The following MYCBP2 variants were observed in gnomAD, a reference collection of about 807,000 sequenced individuals.
MYCBP2 encodes the protein E3 ubiquitin-protein ligase MYCBP2.
A neutral mutation model predicts 525.3 loss-of-function variants in MYCBP2; 120 were observed. The observed-to-expected ratio is 0.23, with a 90% confidence interval of 0.20 to 0.27. MYCBP2 has a LOEUF of 0.27. Ranked by LOEUF, MYCBP2 falls within the 10% of genes least tolerant of loss-of-function variation. The pLI, the probability that MYCBP2 is intolerant of heterozygous loss-of-function variation, is 1.00. For missense variants in MYCBP2, 4,149 were observed against 5,657.1 expected (o/e 0.73, Z 8.55); for synonymous variants, 1,894 against 1,955.8 (o/e 0.97, Z 0.83).
At chr13:77,216,232 A>T (rs2064808083) in intron 21 of MYCBP2, among the ~76,000 whole-genome samples, 1 of 152,182 alleles carries the variant, frequency 6.6e-6, no homozygotes, top group African/African-American at 2.4e-5. Context: ...GAAAATACAA[A>T]TACCTGAGTC....
At chr13:77,072,300 GAA>G (rs56238720) in intron 68 of MYCBP2, among the ~76,000 whole-genome samples, 11,440 of 121,238 alleles carry the variant, frequency 0.094, 658 homozygotes, top group African/African-American at 0.21. Context: ...CAAAAAAAAA[GAA>G]AAAAAAAAAA....
chr13:77,200,930 G>A (rs1461975407), intron 26 of MYCBP2, among the ~76,000 whole-genome samples: 2 of 152,132 alleles, frequency 1.3e-5, no homozygotes, highest in African/African-American at 4.8e-5. Context: ...ACCAGCCACT[G>A]CAAAATCATG....
chr13:77,281,686 A>G (rs900177646), intron 3 of MYCBP2, among the ~76,000 whole-genome samples: 4 of 152,200 alleles, frequency 2.6e-5, no homozygotes, highest in African/African-American at 7.2e-5. Context: ...AGATAAAAAT[A>G]TATTTGGCCA....
In MYCBP2 at chr13:77,283,768, A is replaced by AT. The variant is rs60362493; in HGVS notation, c.594+4392_594+4393insA. ...AAAAAGTATCCTGGGGTGGTGGCAA[A>AT]CACCTGTAGTCCCAGCTACATGGGA... is the stretch of plus-strand genomic sequence containing the variant. On this transcript the variant is annotated intron_variant, in intron 3 of 82. Transcript: ENST00000544440. Among the ~76,000 whole-genome samples the AT allele has an allele frequency of 6.8e-3, 1,040 of 152,166 alleles. 7 individuals are homozygous for AT. Among genetic ancestry groups the AT allele is most frequent in the African/African-American group, 0.024 (990 of 41,512 alleles).
At chr13:77,193,238 T>C (rs559080789) in intron 27 of MYCBP2, among the ~76,000 whole-genome samples, 1 of 152,298 alleles carries the variant, frequency 6.6e-6, no homozygotes, top group Non-Finnish European at 1.5e-5. Flanking sequence ...CTTAAAATTT[T>C]CCCTAATATT....
chr13:77,285,381 T>G (rs2076621382), intron 3 of MYCBP2, among the ~76,000 whole-genome samples: 2 of 152,216 alleles, frequency 1.3e-5, no homozygotes, highest in Non-Finnish European at 2.9e-5. Flanking sequence ...CTCAACTATG[T>G]TTTTTATCTC....
At position 77,115,793 on chromosome 13, in the gene MYCBP2, G is replaced by C. The variant is rs574690869; in HGVS notation, c.8140+5580C>G. Among the ~76,000 whole-genome samples, 17 of 151,474 alleles carry C rather than the reference G, an allele frequency of 1.1e-4. No homozygotes were observed. The East Asian group carries it at 3.3e-3, about 29-fold the overall frequency. ...TTTGTAGAATTTTTCTAGTTAACCA[G>C]GATCTTGAGTTATGACATTCAGGAA... On this transcript the variant is annotated intron_variant, in intron 55 of 82. Transcript: ENST00000544440.
intron 1 of MYCBP2, among the ~76,000 whole-genome samples, chr13:77,325,636 G>A (rs1203899398): frequency 2.0e-5 from 3 of 152,328 alleles, no homozygotes; most frequent in Middle Eastern, 3.4e-3. Flanking sequence ...TGTACCAGCT[G>A]TCATATTCTG....
At chr13:77,188,355 T>G (rs73241442) in intron 30 of MYCBP2, among the ~76,000 whole-genome samples, 3,396 of 152,270 alleles carry the variant, frequency 0.022, 57 homozygotes, top group Middle Eastern at 0.072. Context: ...CTTACACCCC[T>G]TATCTCATTA....
chr13:77,261,233 A>C lies in MYCBP2; in HGVS notation c.1790T>G (p.Val597Gly), dbSNP rs1274590965. The part of the protein sequence containing the change: ...VGHDGSHALL[V>G]AEDGSIFFTG... ...AAAGAATATGCTCCCATCTTCTGCA[A>C]CTAAAAGGGCGTGAGAGCCATCGTG... The change falls in exon 12 of 83, where the codon GTT becomes GGT. Residue 597 changes from valine (V) to glycine (G), a missense_variant. Physicochemically the swap from Val to Gly is moderately radical, Grantham distance 109. Coordinates refer to ENST00000544440, the MANE Select transcript of MYCBP2 (RefSeq NM_015057.5). The C allele has an allele frequency of 1.2e-6, 2 of 1,613,674 alleles. No homozygotes were observed. Among genetic ancestry groups the C allele is most frequent in the Non-Finnish European group, 1.7e-6 (2 of 1,179,780 alleles).
At chr13:77,267,958 T>G in intron 7 of MYCBP2, 21 bp from the exon 8 acceptor site, 1 of 1,548,274 alleles carries the variant, frequency 6.5e-7, no homozygotes, top group Non-Finnish European at 8.9e-7. Flanking sequence ...CAAAAAATTT[T>G]CCTGTTAAAA....
chr13:77,229,572 T>G (rs1482308706), intron 18 of MYCBP2, among the ~76,000 whole-genome samples: 1 of 152,148 alleles, frequency 6.6e-6, no homozygotes, highest in African/African-American at 2.4e-5. Flanking sequence ...TTCAAAATAT[T>G]AAAGCTAGTA....
chr13:77,141,600 A>G (rs1594862547), intron 49 of MYCBP2, among the ~76,000 whole-genome samples: 1 of 151,884 alleles, frequency 6.6e-6, no homozygotes, highest in Non-Finnish European at 1.5e-5. Context: ...GTGAAACCCC[A>G]TCTCTACTAA....
intron 72 of MYCBP2, among the ~76,000 whole-genome samples, chr13:77,065,316 G>C (rs1021817652): frequency 1.3e-5 from 2 of 152,190 alleles, no homozygotes; most frequent in Non-Finnish European, 2.9e-5. Flanking sequence ...AAAAGTGATA[G>C]AACTTCATCT....
chr13:77,288,091 G>A lies in MYCBP2; in HGVS notation c.594+70C>T, dbSNP rs9600851. On this transcript the variant is annotated intron_variant, in intron 3 of 82. Transcript: ENST00000544440. ...ATAAAGCAAAGTATTTTAGCAATGC[G>A]TATATATGCATTATAGCCAGAACAC... 11,155 of 1,425,542 alleles carry A rather than the reference G, an allele frequency of 7.8e-3. 679 individuals are homozygous for A. In the African/African-American group the frequency reaches 0.13, roughly 17 times the overall value. 88.3% of individuals were successfully genotyped at this position (1,425,542 alleles called of 1,614,324 possible). A position where few individuals can be genotyped will look rare whatever the true frequency, so the allele number is the denominator to read the frequency against.
In MYCBP2 at chr13:77,248,323, A is replaced by G. The variant is rs535211331; in HGVS notation, c.2381+2828T>C. On this transcript the variant is annotated intron_variant, in intron 15 of 82. Transcript: ENST00000544440. ...AAAAGACAACATCAACAGAGTAAAA[A>G]CACAACCCACAGACAGAACTTTTTA... Among the ~76,000 whole-genome samples, 16 of 152,238 alleles carry G rather than the reference A, an allele frequency of 1.1e-4. 1 individual carries two copies. The East Asian group carries it at 2.9e-3, about 27-fold the overall frequency.
At chr13:77,110,303 G>A (rs566947047) in intron 55 of MYCBP2, among the ~76,000 whole-genome samples, 2 of 152,180 alleles carry the variant, frequency 1.3e-5, no homozygotes, top group Admixed American at 6.5e-5. Flanking sequence ...TGTCTTATTC[G>A]GTTGAGATAA....
chr13:77,206,453 CATAA>C (rs933066388), intron 24 of MYCBP2, among the ~76,000 whole-genome samples, 196 bp downstream of exon 24: 1 of 151,838 alleles, frequency 6.6e-6, no homozygotes, highest in Non-Finnish European at 1.5e-5. Context: ...ATTGGGCATA[CATAA>C]ATCTTTGATA....
In MYCBP2 at chr13:77,180,223, T is replaced by C; in HGVS notation, c.5037A>G (p.Arg1679=). ...VVLPVRNSLR[R]ENELFSSHLV... Reference sequence around the variant, plus strand: ...GGTGGGAGGAGAAGAGTTCATTTTCTCTCCTCAGGCTGTTCCTGACTGGTA... The same window carrying C: ...GGTGGGAGGAGAAGAGTTCATTTTCCCTCCTCAGGCTGTTCCTGACTGGTA... Residue 1679 remains arginine (R), a synonymous_variant, in exon 34 of 83, where the codon AGA becomes AGG. Coordinates refer to ENST00000544440, the MANE Select transcript of MYCBP2 (RefSeq NM_015057.5). 4 of 1,614,188 alleles carry C rather than the reference T, an allele frequency of 2.5e-6. No individual in the cohort carries two copies. Among genetic ancestry groups the C allele is most frequent in the Non-Finnish European group, 2.5e-6 (3 of 1,180,010 alleles).
Sources: allele counts gnomAD v4.1 joint callset (sites outside exome capture counted in the v4.1 genomes callset), GRCh38; gene constraint gnomAD v4.1.1; transcripts MANE v1.5; gene names NCBI Gene and HGNC (gene_info 2026-07-23, HGNC 2026-07-21).